DPP6: variants seen among roughly 807,000 people sequenced by gnomAD.
DPP6 encodes A-type potassium channel modulatory protein DPP6.
Under a neutral mutation model 122.6 loss-of-function variants are expected in DPP6, and 69 were observed. The ratio of observed to expected loss-of-function variants is 0.56; its 90% confidence interval spans 0.46 to 0.69. The LOEUF (loss-of-function observed/expected upper bound fraction) is 0.69. Among genes scored for constraint, DPP6 ranks in the 30% least tolerant of loss-of-function variants. The probability of loss-of-function intolerance (pLI) is 0.00; values close to 1 mark genes in which losing one functional copy is unlikely to be tolerated. For synonymous variants in DPP6, 418 were observed against 433.1 expected, an observed-to-expected ratio of 0.97 and a Z score of 0.43; for missense variants, 928 against 1,116.9, an observed-to-expected ratio of 0.83 and a Z score of 2.41.
the DPP6 span, among the ~76,000 whole-genome samples, chr7:153,798,285 C>T: frequency 3.9e-5 from 6 of 152,160 alleles, no homozygotes; most frequent in Non-Finnish European, 5.9e-5. Flanking sequence ...AGGCAGGTTT[C>T]GGGGATGCAG....
intron 8 of DPP6, among the ~76,000 whole-genome samples, chr7:154,738,655 C>G (rs1232054727): frequency 6.6e-6 from 1 of 152,164 alleles, no homozygotes; most frequent in Non-Finnish European, 1.5e-5. Context: ...TAAAAGGAAG[C>G]CTCAGACAGC....
chr7:154,199,930 TAAC>T (rs992839459), intron 1 of DPP6, among the ~76,000 whole-genome samples: 3 of 152,034 alleles, frequency 2.0e-5, no homozygotes, highest in African/African-American at 7.2e-5. Context: ...TTAAAACAAA[TAAC>T]AACAAAAAAA....
intron 1 of DPP6, among the ~76,000 whole-genome samples, chr7:154,239,475 A>G (rs1758666066): frequency 6.6e-6 from 1 of 152,114 alleles, no homozygotes; most frequent in African/African-American, 2.4e-5. Flanking sequence ...ACCCACTTCC[A>G]CTTAATGAAT....
At chr7:154,214,648 G>A (rs1475979395) in intron 1 of DPP6, among the ~76,000 whole-genome samples, 2 of 152,206 alleles carry the variant, frequency 1.3e-5, no homozygotes, top group Non-Finnish European at 2.9e-5. Flanking sequence ...TGGGCATGGT[G>A]GCTCACACCT....
intron 5 of DPP6, among the ~76,000 whole-genome samples, chr7:154,634,650 C>T (rs1242140637): frequency 6.6e-6 from 1 of 151,086 alleles, no homozygotes; most frequent in East Asian, 1.9e-4. Flanking sequence ...TCTTCCTCCT[C>T]CTCCTCCTCT....
rs1014967152 is a variant in DPP6 at position 154,867,063 on chromosome 7, C to T, written c.1715-932C>T. The stretch of plus-strand genomic sequence containing the variant: ...AGCATTGTTTGTGATCATTTGTTTA[C>T]GCTTTAAACAAATGCACAAATTGCA... On this transcript the variant is annotated intron_variant, in intron 17 of 25. Transcript: ENST00000377770. Among the ~76,000 whole-genome samples the T allele has an allele frequency of 3.3e-5, 5 of 151,196 alleles. No individual in the cohort carries two copies. The East Asian group carries it at 5.9e-4, about 18-fold the overall frequency.
In DPP6 at chr7:154,237,784, T is replaced by C. The variant is rs112189954; in HGVS notation, c.243+184721T>C. On this transcript the variant is annotated intron_variant, in intron 1 of 25. Transcript: ENST00000377770. ...GATACTCACTAAAGACAAATAGAAG[T>C]GTTGGGTCCACAGTGGATGATCCCT... Among the ~76,000 whole-genome samples, 1,021 of 152,250 alleles carry C rather than the reference T, an allele frequency of 6.7e-3. 4 individuals are homozygous for C. The highest frequency in any genetic ancestry group is 0.011 in the Admixed American group (171 of 15,290).
At chr7:154,861,887 A>AAAT (rs1803432029) in intron 17 of DPP6, among the ~76,000 whole-genome samples, 1 of 152,198 alleles carries the variant, frequency 6.6e-6, no homozygotes, top group Non-Finnish European at 1.5e-5. Context: ...TCATGTAAAT[A>AAAT]AATGGAGAGA....
intron 1 of DPP6, among the ~76,000 whole-genome samples, chr7:154,056,910 A>G (rs1800871676): frequency 6.6e-6 from 1 of 152,218 alleles, no homozygotes; most frequent in Non-Finnish European, 1.5e-5. Context: ...TAAGTTTCAC[A>G]TGATTTTCCT....
chr7:153,935,732 C>T (rs1359296103), intron 1 of DPP6, among the ~76,000 whole-genome samples: 1 of 152,226 alleles, frequency 6.6e-6, no homozygotes, highest in Non-Finnish European at 1.5e-5. Context: ...GGCTCAGACC[C>T]CAATCTGCAG....
chr7:154,770,753 T>TG (rs1285075459), intron 9 of DPP6, among the ~76,000 whole-genome samples: 3 of 152,272 alleles, frequency 2.0e-5, no homozygotes, highest in African/African-American at 4.8e-5. Flanking sequence ...GAGGGAATAT[T>TG]GGGGGGAACA....
At chr7:154,722,691 G>A (rs1265466087) in intron 7 of DPP6, among the ~76,000 whole-genome samples, 1 of 152,114 alleles carries the variant, frequency 6.6e-6, no homozygotes, top group Non-Finnish European at 1.5e-5. Flanking sequence ...GGTGGGGTGA[G>A]GCCTTGGGGA....
chr7:154,242,685 G>A (rs190365623), intron 1 of DPP6, among the ~76,000 whole-genome samples: 2 of 152,300 alleles, frequency 1.3e-5, no homozygotes, highest in Non-Finnish European at 2.9e-5. Context: ...TGGCCTCACT[G>A]ACCTGAGGAG....
chr7:154,759,373 T>C (rs527832554), intron 8 of DPP6, among the ~76,000 whole-genome samples: 1 of 152,242 alleles, frequency 6.6e-6, no homozygotes, highest in Non-Finnish European at 1.5e-5. Flanking sequence ...GTGAGGCTTC[T>C]CAATCACACA....
chr7:154,727,835 C>T lies in DPP6; in HGVS notation c.831C>T (p.Ser277=). Residue 277 remains serine, a synonymous_variant, in exon 8 of 26, where the codon TCC becomes TCT. Coordinates refer to ENST00000377770, the MANE Select transcript of DPP6 (RefSeq NM_130797.4). Reference sequence around the variant, plus strand: ...GGAAACAGGCCATCCGTGTGGTCTCCACTGGCAAGGAAGGTGTGATTTACA... The same window carrying T: ...GGAAACAGGCCATCCGTGTGGTCTCTACTGGCAAGGAAGGTGTGATTTACA... The part of the protein sequence containing the change: ...HVGKQAIRVV[S]TGKEGVIYNG... 1 of 1,613,880 alleles carries T rather than the reference C, an allele frequency of 6.2e-7. No individual in the cohort carries two copies. Among genetic ancestry groups the T allele is most frequent in the Non-Finnish European group, 8.5e-7 (1 of 1,179,826 alleles).
intron 5 of DPP6, among the ~76,000 whole-genome samples, chr7:154,576,384 G>C (rs980546555): frequency 7.2e-5 from 11 of 152,066 alleles, no homozygotes; most frequent in Admixed American, 1.3e-4. Context: ...CAGTGCTCCT[G>C]AGTCCCTTCC....
At chr7:153,749,966 C>T in the DPP6 span, among the ~76,000 whole-genome samples, 1 of 152,138 alleles carries the variant, frequency 6.6e-6, no homozygotes, top group South Asian at 2.1e-4. This position sits in a 1 kb window ranked among gnomAD's most constrained non-coding sequence, Gnocchi z 4.1. Context: ...TTTGTGTGTA[C>T]ACTTTATGTA....
rs34511688 is a variant in DPP6, at chr7:154,516,264, C to CT, written c.458-24255dup. On this transcript the variant is annotated intron_variant, in intron 3 of 25. Transcript: ENST00000377770. Reference sequence around the variant, plus strand: ...TCCTCAATACCTACTCCGAACTCTGCTTTTTTTTTTTTTGGTCCAGACAGA... The same window carrying CT: ...TCCTCAATACCTACTCCGAACTCTGCTTTTTTTTTTTTTTGGTCCAGACAGA... Among the ~76,000 whole-genome samples the CT allele has an allele frequency of 2.0e-3, 294 of 146,842 alleles. 1 individual carries two copies. Among genetic ancestry groups the CT allele is most frequent in the East Asian group, 5.0e-3 (25 of 5,004 alleles).
chr7:154,695,371 T>C (rs1324949677), intron 7 of DPP6, among the ~76,000 whole-genome samples: 2 of 152,270 alleles, frequency 1.3e-5, no homozygotes, highest in South Asian at 4.1e-4. Flanking sequence ...GTGTATGAGA[T>C]TTTTAAAAAG....
Sources: allele counts gnomAD v4.1 joint callset (sites outside exome capture counted in the v4.1 genomes callset), GRCh38; gene constraint gnomAD v4.1.1; non-coding constraint Gnocchi (gnomAD v3.1); transcripts MANE v1.5; gene names NCBI Gene and HGNC (gene_info 2026-07-23, HGNC 2026-07-21).